Variants in NEK1 observed in about 807,000 individuals in gnomAD.
The protein encoded by NEK1 is serine/threonine-protein kinase Nek1.
In NEK1, 137 loss-of-function variants were observed where a neutral mutation model predicts 182.1. The ratio of observed to expected loss-of-function variants is 0.75; its 90% CI spans 0.65 to 0.87. The LOEUF (loss-of-function observed/expected upper bound fraction) is 0.87. Among genes scored for constraint, NEK1 ranks in the 40% least tolerant of loss-of-function variants. NEK1 has a pLI of 0.00. For synonymous variants in NEK1, 513 were observed against 492.2 expected (o/e 1.04, Z -0.56); for missense variants, 1,391 against 1,494.4 (o/e 0.93, Z 1.14).
Position 169,524,678 on chromosome 4 carries a change from G to C in NEK1, c.1665+13131C>G, listed in dbSNP as rs185721143. Among the ~76,000 whole-genome samples, 8 of 152,216 alleles carry C rather than the reference G, an allele frequency of 5.3e-5. No individual in the cohort carries two copies. The East Asian group carries it at 1.5e-3, about 29-fold the overall frequency. ...AAAGGTGGAGAAAAAAGATGAAATA[G>C]GGGTTGGAAAACTATGGTCCATGGT... On this transcript the variant is annotated intron_variant, in intron 19 of 35. Coordinates refer to ENST00000507142, the MANE Select transcript of NEK1 (RefSeq NM_001199397.3).
intron 18 of NEK1, among the ~76,000 whole-genome samples, chr4:169,545,750 G>C (rs1457613031): frequency 1.3e-5 from 2 of 151,886 alleles, no homozygotes; most frequent in Admixed American, 1.3e-4. Flanking sequence ...ATTCTAACTG[G>C]TGTGAGATAA....
At chr4:169,590,911 G>T (rs1561472715) in intron 5 of NEK1, 102 bp from the exon 6 acceptor site, 5 of 778,246 alleles carry the variant, frequency 6.4e-6, no homozygotes, top group African/African-American at 5.3e-5. Context: ...AGATATTTTA[G>T]GCTACAATTT....
At chr4:169,473,122 C>T (rs993348414) in intron 26 of NEK1, among the ~76,000 whole-genome samples, 2 of 150,738 alleles carry the variant, frequency 1.3e-5, no homozygotes, top group East Asian at 2.0e-4. Context: ...AAAAATTAGC[C>T]GGGCATGGCA....
chr4:169,528,239 T>C (rs1450395443), intron 19 of NEK1, among the ~76,000 whole-genome samples: 2 of 152,156 alleles, frequency 1.3e-5, no homozygotes, highest in Non-Finnish European at 2.9e-5. Context: ...TCACATTATA[T>C]ACCATTCTGC....
intron 19 of NEK1, among the ~76,000 whole-genome samples, chr4:169,511,142 T>C (rs1754104447): frequency 6.6e-6 from 1 of 152,132 alleles, no homozygotes. Flanking sequence ...ACTTCTTGGG[T>C]GTACCAGAGC....
chr4:169,403,167 T>C (rs1351377181), intron 32 of NEK1, among the ~76,000 whole-genome samples: 1 of 152,210 alleles, frequency 6.6e-6, no homozygotes, highest in East Asian at 1.9e-4. Context: ...GCCTACAATT[T>C]GACTTGTAGG....
At chr4:169,482,810 G>A (rs1457463617) in intron 23 of NEK1, among the ~76,000 whole-genome samples, 1 of 151,868 alleles carries the variant, frequency 6.6e-6, no homozygotes, top group Non-Finnish European at 1.5e-5. Context: ...CTAATTTTTT[G>A]TATTTTTAGT....
At chr4:169,445,863 T>TATATAC (rs1554034324) in intron 27 of NEK1, among the ~76,000 whole-genome samples, 1 of 130,840 alleles carries the variant, frequency 7.6e-6, no homozygotes, top group South Asian at 2.3e-4. Flanking sequence ...TATATATATA[T>TATATAC]ATACACACAC....
At chr4:169,495,561 T>A (rs1284714101) in intron 23 of NEK1, among the ~76,000 whole-genome samples, 1 of 152,148 alleles carries the variant, frequency 6.6e-6, no homozygotes, top group African/African-American at 2.4e-5. Flanking sequence ...CTTTAATCCA[T>A]CTTGAATTAA....
chr4:169,513,186 C>A (rs73864703), intron 19 of NEK1, among the ~76,000 whole-genome samples: 18,572 of 152,060 alleles, frequency 0.12, 1,254 homozygotes, highest in East Asian at 0.17. Flanking sequence ...CAAGAATTGC[C>A]ATTTTTACTG....
At chr4:169,555,545 C>T (rs1762038226) in intron 18 of NEK1, 175 bp downstream of exon 18, 1 of 437,990 alleles carries the variant, frequency 2.3e-6, no homozygotes, top group Admixed American at 4.5e-5. Flanking sequence ...AAGCTACATG[C>T]TTTCAGAGTA....
chr4:169,574,019 G>T (rs1765291443), intron 12 of NEK1, among the ~76,000 whole-genome samples: 1 of 152,092 alleles, frequency 6.6e-6, no homozygotes, highest in South Asian at 2.1e-4. Flanking sequence ...AATTAGCTGG[G>T]TGTAGTGGCA....
intron 10 of NEK1, among the ~76,000 whole-genome samples, chr4:169,583,489 T>C (rs1767025325): frequency 6.6e-6 from 1 of 152,216 alleles, no homozygotes; most frequent in African/African-American, 2.4e-5. Flanking sequence ...AAACACATAA[T>C]GTCAAATATC....
intron 31 of NEK1, among the ~76,000 whole-genome samples, chr4:169,418,846 T>G (rs934827847): frequency 1.3e-5 from 2 of 151,986 alleles, no homozygotes; most frequent in East Asian, 3.8e-4. Flanking sequence ...TAGCCAAAAC[T>G]TTTCCAAATT....
At chr4:169,574,765 A>C (rs377415577) in intron 12 of NEK1, among the ~76,000 whole-genome samples, 1 of 152,110 alleles carries the variant, frequency 6.6e-6, no homozygotes, top group East Asian at 1.9e-4. Context: ...GAAGCAAGGG[A>C]AACATTTCCT....
intron 31 of NEK1, among the ~76,000 whole-genome samples, chr4:169,409,333 A>G (rs2111140365): frequency 6.6e-6 from 1 of 152,008 alleles, no homozygotes; most frequent in East Asian, 2.0e-4. Context: ...TTTAGTAGAG[A>G]CGGGGTTTCA....
In NEK1 at chr4:169,577,085, T is replaced by G. The variant is rs746938912; in HGVS notation, c.869-6A>C. ...TCCTGAAGCTGGTCTTTTAGCTAGATGAAAAGATACAAAGAATTTTGTCTG... is the reference window on the plus strand; with the variant it reads ...TCCTGAAGCTGGTCTTTTAGCTAGAGGAAAAGATACAAAGAATTTTGTCTG... On this transcript the variant is annotated splice_region_variant and splice_polypyrimidine_tract_variant and intron_variant, in intron 11 of 35. Coordinates refer to ENST00000507142, the MANE Select transcript of NEK1 (RefSeq NM_001199397.3). 6.2e-7 allele frequency: 1 copy of G among 1,613,238 alleles called. No individual in the cohort carries two copies. The highest frequency in any genetic ancestry group is 8.5e-7 in the Non-Finnish European group (1 of 1,179,604).
In NEK1 at chr4:169,445,865, T is replaced by C. The variant is rs987126720; in HGVS notation, c.2588-7606A>G. On this transcript the variant is annotated intron_variant, in intron 27 of 35. Coordinates refer to ENST00000507142, the MANE Select transcript of NEK1 (RefSeq NM_001199397.3). ...AACTATATACATATATATATATATA[T>C]ACACACACACACACACACACATGCA... Among the ~76,000 whole-genome samples the C allele has an allele frequency of 1.6e-3, 229 of 143,278 alleles. 1 individual carries two copies. Among genetic ancestry groups the C allele is most frequent in the African/African-American group, 3.6e-3 (128 of 35,980 alleles). The allele number at this position is 143,278 out of a possible 152,430, so 94.0% of individuals were successfully genotyped here.
intron 2 of NEK1, among the ~76,000 whole-genome samples, chr4:169,610,510 G>A (rs1772144181): frequency 6.6e-6 from 1 of 151,788 alleles, no homozygotes; most frequent in Non-Finnish European, 1.5e-5. Context: ...ATATGGGTTC[G>A]CCAGGTCAGC....
Sources: allele counts gnomAD v4.1 joint callset (sites outside exome capture counted in the v4.1 genomes callset), GRCh38; gene constraint gnomAD v4.1.1; transcripts MANE v1.5; gene names NCBI Gene and HGNC (gene_info 2026-07-23, HGNC 2026-07-21).